Variants in ADGRV1 observed in about 807,000 individuals in gnomAD.
The protein encoded by ADGRV1 is G-protein coupled receptor 98.
ADGRV1 carries 359 observed loss-of-function variants against 596.2 expected under a neutral mutation model. That is an observed-to-expected ratio of 0.60 (90% confidence interval 0.55 to 0.66). The LOEUF (loss-of-function observed/expected upper bound fraction) is 0.66, where lower values mean the gene tolerates loss of function less well. Ranked by LOEUF, ADGRV1 falls within the 30% of genes least tolerant of loss-of-function variation. The pLI is 0.00. For synonymous variants in ADGRV1, 2,681 were observed against 2,679.2 expected, an observed-to-expected ratio of 1.00 and a Z score of -0.02; for missense variants, 7,274 against 7,575.6, an observed-to-expected ratio of 0.96 and a Z score of 1.48.
intron 87 of ADGRV1, among the ~76,000 whole-genome samples, chr5:91,148,939 T>C (rs990810939): frequency 6.6e-6 from 1 of 152,182 alleles, no homozygotes; most frequent in Non-Finnish European, 1.5e-5. Flanking sequence ...GACTGCCCTA[T>C]TGGATTTTGG....
At chr5:91,138,266 T>C (rs1379974968) in intron 87 of ADGRV1, among the ~76,000 whole-genome samples, 1 of 152,202 alleles carries the variant, frequency 6.6e-6, no homozygotes, top group Non-Finnish European at 1.5e-5. Flanking sequence ...GTAGAAATTG[T>C]AATTTTACAA....
chr5:91,031,010 T>TGA, intron 85 of ADGRV1: 1 of 1,486,392 alleles, frequency 6.7e-7, no homozygotes, highest in Non-Finnish European at 9.0e-7. Context: ...TGTAGTCTGC[T>TGA]GATCTGATTA....
chr5:90,651,231 A>G (rs1768572709), intron 17 of ADGRV1, among the ~76,000 whole-genome samples: 1 of 152,210 alleles, frequency 6.6e-6, no homozygotes, highest in African/African-American at 2.4e-5. Context: ...CACCTAAGAA[A>G]TTTGAAAATA....
chr5:91,026,854 C>G (rs10514343), intron 85 of ADGRV1, among the ~76,000 whole-genome samples: 35,361 of 151,902 alleles, frequency 0.23, 4,436 homozygotes, highest in Non-Finnish European at 0.28. Context: ...TCCTTGCTGT[C>G]TAACTAGGTT....
At chr5:91,058,629 G>A (rs188962782) in intron 85 of ADGRV1, among the ~76,000 whole-genome samples, 1 of 152,170 alleles carries the variant, frequency 6.6e-6, no homozygotes, top group East Asian at 1.9e-4. Context: ...GTCAGTCACT[G>A]GTGGTGTGAT....
chr5:90,680,766 A>G (rs1051523803), intron 26 of ADGRV1, among the ~76,000 whole-genome samples: 6 of 152,194 alleles, frequency 3.9e-5, no homozygotes, highest in Non-Finnish European at 5.9e-5. Context: ...CATACTTTTT[A>G]GGAAAAACTT....
At position 90,643,850 on chromosome 5, in the gene ADGRV1, A is replaced by G. The variant is rs1157887431; in HGVS notation, c.2601A>G (p.Glu867=). 1 of 1,611,202 alleles carries G rather than the reference A, an allele frequency of 6.2e-7. No homozygotes were observed. The highest frequency in any genetic ancestry group is 2.2e-5 in the East Asian group (1 of 44,800). ...TCCTCAGCAGCCACGGAGAACGGGAAAGCAAGTTGGGAAGTGCCACCATTG... is the reference window on the plus strand; with the variant it reads ...TCCTCAGCAGCCACGGAGAACGGGAGAGCAAGTTGGGAAGTGCCACCATTG... The part of the protein sequence containing the change: ...WVVLSSHGER[E]SKLGSATIVN... Residue 867 remains glutamate (E), a synonymous_variant, in exon 14 of 90, where the codon GAA becomes GAG. Transcript: ENST00000405460.
chr5:90,953,536 T>G (rs1267605634), intron 83 of ADGRV1, among the ~76,000 whole-genome samples: 1 of 152,166 alleles, frequency 6.6e-6, no homozygotes, highest in Non-Finnish European at 1.5e-5. Flanking sequence ...TTTATCAGTT[T>G]GCGAGTTTTT....
chr5:90,560,006 A>G (rs1754601561), intron 1 of ADGRV1, among the ~76,000 whole-genome samples: 1 of 152,166 alleles, frequency 6.6e-6, no homozygotes, highest in African/African-American at 2.4e-5. Context: ...TTCCGCCTAT[A>G]TAATTTGAGA....
intron 82 of ADGRV1, among the ~76,000 whole-genome samples, chr5:90,859,204 T>C (rs1014009404): frequency 6.6e-6 from 1 of 152,160 alleles, no homozygotes; most frequent in Non-Finnish European, 1.5e-5. Flanking sequence ...CTAAAACTTC[T>C]GGCCTCAAGC....
chr5:90,966,530 C>CAAAAAAAAAAA (rs67304974), intron 84 of ADGRV1, among the ~76,000 whole-genome samples: 1 of 100,726 alleles, frequency 9.9e-6, no homozygotes, highest in Non-Finnish European at 1.9e-5. Context: ...GAAACTCTGC[C>CAAAAAAAAAAA]AAAAAAAAAA....
chr5:90,757,069 G>A lies in ADGRV1; in HGVS notation c.11848G>A (p.Ala3950Thr). The change falls in exon 57 of 90, where the codon GCA (alanine) becomes ACA (threonine). Residue 3950 changes from alanine (A) to threonine (T), a missense_variant. Physicochemically the swap from Ala to Thr is moderately conservative, Grantham distance 58. Around this residue, in one of 5 missense-constraint regions of ADGRV1, gnomAD observed 3,643 missense variants for 3,809.2 expected, o/e 0.96. Coordinates refer to ENST00000405460, the MANE Select transcript of ADGRV1 (RefSeq NM_032119.4). ...PVVRLAGSFG[A>T]VNVYWKASPD... is the part of the protein sequence containing the mutation. ...AGTCCGGCTGGCTGGAAGCTTTGGGGCAGTAAATGTTTATTGGAAAGCATC... is the reference window on the plus strand; with the variant it reads ...AGTCCGGCTGGCTGGAAGCTTTGGGACAGTAAATGTTTATTGGAAAGCATC... The A allele has an allele frequency of 2.5e-6, 4 of 1,613,870 alleles. No homozygotes were observed. Among genetic ancestry groups the A allele is most frequent in the Non-Finnish European group, 3.4e-6 (4 of 1,179,788 alleles).
chr5:90,666,760 T>G (rs998131807), intron 21 of ADGRV1, among the ~76,000 whole-genome samples: 1 of 151,918 alleles, frequency 6.6e-6, no homozygotes, highest in Non-Finnish European at 1.5e-5. Flanking sequence ...GGTTGTTCCT[T>G]TCCATGTTTA....
chr5:90,907,852 A>G (rs2150674778), intron 83 of ADGRV1, among the ~76,000 whole-genome samples: 1 of 151,932 alleles, frequency 6.6e-6, no homozygotes, highest in South Asian at 2.1e-4. Flanking sequence ...GAATTTGCCA[A>G]ATTATTTTTT....
intron 87 of ADGRV1, among the ~76,000 whole-genome samples, chr5:91,127,834 A>G (rs1011576570): frequency 1.3e-5 from 2 of 152,310 alleles, no homozygotes; most frequent in Admixed American, 1.3e-4. Context: ...CTGTTGATTC[A>G]TAACCTAAAC....
intron 22 of ADGRV1, among the ~76,000 whole-genome samples, chr5:90,673,277 T>G (rs1452703854): frequency 6.6e-6 from 1 of 152,240 alleles, no homozygotes; most frequent in Non-Finnish European, 1.5e-5. Flanking sequence ...TTGCCCTTGC[T>G]TCTTATCCTA....
intron 9 of ADGRV1, among the ~76,000 whole-genome samples, chr5:90,632,001 C>A (rs181280292): frequency 6.6e-6 from 1 of 152,230 alleles, no homozygotes; most frequent in Non-Finnish European, 1.5e-5. Context: ...AGTTTCAAGA[C>A]TGTGTGGGAT....
intron 3 of ADGRV1, among the ~76,000 whole-genome samples, 169 bp from the exon 4 acceptor site, chr5:90,618,917 T>C (rs1763702226): frequency 6.6e-6 from 1 of 152,080 alleles, no homozygotes; most frequent in Non-Finnish European, 1.5e-5. Context: ...TTGGAACTTC[T>C]TAACCATATT....
rs546405660 is a variant in ADGRV1, at chr5:90,611,242, A to T, written c.23-3593A>T. 3.4e-4 allele frequency among the ~76,000 whole-genome samples: 51 copies of T among 151,884 alleles called. No homozygotes were observed. The East Asian group carries it at 6.8e-3, about 20-fold the overall frequency. On this transcript the variant is annotated intron_variant, in intron 1 of 89. Coordinates refer to ENST00000405460, the MANE Select transcript of ADGRV1 (RefSeq NM_032119.4). ...ATATAGTCCAGATTTTAATTCTGAA[A>T]TTTTTTTGGAGCAAAATTAGGTGAC...
Sources: allele counts gnomAD v4.1 joint callset (sites outside exome capture counted in the v4.1 genomes callset), GRCh38; gene constraint gnomAD v4.1.1; regional missense constraint gnomAD v4.1.1; transcripts MANE v1.5; gene names NCBI Gene and HGNC (gene_info 2026-07-23, HGNC 2026-07-21).